The following ABCB5 variants were observed in gnomAD, a reference collection of about 807,000 sequenced individuals.
ABCB5 encodes ATP binding cassette subfamily B member 5.
ABCB5 carries 155 observed loss-of-function variants against 144.2 expected under a neutral mutation model. The observed-to-expected ratio is 1.08, with a 90% CI of 0.94 to 1.23. ABCB5 has a LOEUF of 1.23. ABCB5 is among the 50% of genes most tolerant of loss of function. The pLI is 0.00. For synonymous variants in ABCB5, 610 were observed against 528.6 expected, an observed-to-expected ratio of 1.15 and a Z score of -2.11; for missense variants, 1,830 against 1,520.8, an observed-to-expected ratio of 1.20 and a Z score of -3.38.
chr7:20,731,383 T>TAC lies in ABCB5; in HGVS notation c.2867+2929_2867+2930insCA, dbSNP rs1453381328. Among the ~76,000 whole-genome samples, 3 of 146,538 alleles carry TAC rather than the reference T, an allele frequency of 2.0e-5. No individual in the cohort carries two copies. In the East Asian group the frequency reaches 6.2e-4, roughly 30 times the overall value. Reference sequence around the variant, plus strand: ...AAAAAAAAAAAAATATATATATATATATACATATAAAATTTACTGGATCCT... The same window carrying TAC: ...AAAAAAAAAAAAATATATATATATATACATACATATAAAATTTACTGGATCCT... On this transcript the variant is annotated intron_variant, in intron 23 of 27. Transcript: ENST00000404938.
chr7:20,684,524 C>T (rs1785928658), intron 15 of ABCB5, among the ~76,000 whole-genome samples: 2 of 152,088 alleles, frequency 1.3e-5, no homozygotes, highest in South Asian at 2.1e-4. Flanking sequence ...AAGGCTGAGG[C>T]AGGAGGACTG....
chr7:20,642,096 C>G (rs1379362530), intron 5 of ABCB5: 1 of 152,236 alleles, frequency 6.6e-6, no homozygotes, highest in Non-Finnish European at 1.5e-5. Flanking sequence ...CCGTTCTCCA[C>G]AGAGAAGCTG....
intron 26 of ABCB5, among the ~76,000 whole-genome samples, chr7:20,749,348 C>T (rs1379054372): frequency 6.6e-6 from 1 of 151,074 alleles, no homozygotes; most frequent in African/African-American, 2.4e-5. Context: ...CCACCTCACC[C>T]TCCCCGGGAG....
At chr7:20,622,836 A>G (rs1053790278) in intron 1 of ABCB5, among the ~76,000 whole-genome samples, 1 of 152,112 alleles carries the variant, frequency 6.6e-6, no homozygotes, top group Non-Finnish European at 1.5e-5. Context: ...AGAAAACCCT[A>G]TTCCCTCAAA....
At chr7:20,630,004 G>T (rs1158355386) in intron 4 of ABCB5, among the ~76,000 whole-genome samples, 1 of 152,058 alleles carries the variant, frequency 6.6e-6, no homozygotes, top group Admixed American at 6.5e-5. Flanking sequence ...TTTTCATATT[G>T]CTCTTATCTG....
chr7:20,729,582 C>T (rs975621622), intron 23 of ABCB5, among the ~76,000 whole-genome samples: 5 of 152,162 alleles, frequency 3.3e-5, no homozygotes, highest in Admixed American at 2.0e-4. Flanking sequence ...TCTAATGCAA[C>T]TGCTAAATTA....
chr7:20,648,023 G>C lies in ABCB5; in HGVS notation c.1151G>C (p.Gly384Ala). The C allele has an allele frequency of 6.2e-7, 1 of 1,612,192 alleles. No individual in the cohort carries two copies. Among genetic ancestry groups the C allele is most frequent in the Non-Finnish European group, 8.5e-7 (1 of 1,178,674 alleles). Residue 384 changes from glycine (G) to alanine (A), a missense_variant, in exon 11 of 28, where the codon GGA becomes GCA. Coordinates refer to ENST00000404938, the MANE Select transcript of ABCB5 (RefSeq NM_001163941.2). ...GGATATAAACCTGAATCCATAGAAG[G>C]AACTGTGGAATTTAAAAATGTTTCT... ...TAGYKPESIE[G>A]TVEFKNVSFN...
At chr7:20,711,848 T>TTTCTTTCTTTCTTTC (rs1562573823) in intron 20 of ABCB5, among the ~76,000 whole-genome samples, 3 of 62,306 alleles carry the variant, frequency 4.8e-5, no homozygotes, top group Non-Finnish European at 8.8e-5. Context: ...TTCTTTCTTT[T>TTTCTTTCTTTCTTTC]CTTTCTTTCT....
intron 20 of ABCB5, among the ~76,000 whole-genome samples, chr7:20,712,418 C>T (rs1038972934): frequency 6.7e-6 from 1 of 148,866 alleles, no homozygotes; most frequent in African/African-American, 2.5e-5. Flanking sequence ...TAGTTTTCAC[C>T]AAATTTTAAA....
At chr7:20,623,159 C>A in intron 1 of ABCB5, 106 bp from the exon 2 acceptor site, 1 of 710,562 alleles carries the variant, frequency 1.4e-6, no homozygotes, top group Non-Finnish European at 2.4e-6. Context: ...TTCTGAGATG[C>A]TTCCTTTTTC....
Position 20,755,898 on chromosome 7 carries a change from G to T in ABCB5, c.*274G>T. On this transcript the variant is annotated 3_prime_UTR_variant, in exon 28 of 28. Coordinates refer to ENST00000404938, the MANE Select transcript of ABCB5 (RefSeq NM_001163941.2). ...TTGCTTGTAAAGCAGTTTTCTACAAGGTGAATTTATTTCCCATCAACTTCT... is the reference window on the plus strand; with the variant it reads ...TTGCTTGTAAAGCAGTTTTCTACAATGTGAATTTATTTCCCATCAACTTCT... The T allele has an allele frequency of 2.8e-6, 1 of 357,554 alleles. No individual in the cohort carries two copies. The allele number at this position is 357,554 out of a possible 1,614,324, so 22.1% of individuals were successfully genotyped here.
intron 17 of ABCB5, among the ~76,000 whole-genome samples, chr7:20,698,893 C>A (rs986556804): frequency 1.3e-5 from 2 of 152,144 alleles, no homozygotes; most frequent in Non-Finnish European, 2.9e-5. Flanking sequence ...GTTGCAATTT[C>A]TTTTCTTACC....
intron 20 of ABCB5, among the ~76,000 whole-genome samples, chr7:20,710,964 A>C (rs1388666158): frequency 6.7e-6 from 1 of 149,812 alleles, no homozygotes; most frequent in Non-Finnish European, 1.5e-5. Context: ...TTGTTATTCT[A>C]GTGGTTACTT....
intron 7 of ABCB5, among the ~76,000 whole-genome samples, 158 bp downstream of exon 7, chr7:20,643,790 A>T (rs1784346458): frequency 6.6e-6 from 1 of 152,218 alleles, no homozygotes; most frequent in South Asian, 2.1e-4. Context: ...GTTCACCATT[A>T]ATCCCCTTTC....
At chr7:20,691,311 G>A (rs1001418276) in intron 16 of ABCB5, among the ~76,000 whole-genome samples, 6 of 150,828 alleles carry the variant, frequency 4.0e-5, no homozygotes, top group African/African-American at 1.2e-4. Context: ...AGGAGACAGA[G>A]CTAAGAGTTG....
At chr7:20,681,046 TTC>T (rs1284240190) in intron 14 of ABCB5, among the ~76,000 whole-genome samples, 328 of 20,432 alleles carry the variant, frequency 0.016, 29 homozygotes, top group Non-Finnish European at 0.028. Flanking sequence ...CTTTCTTTCT[TTC>T]TCTCTCTCTC....
At chr7:20,681,018 CTTTCTTTCTTTCTTTCTCTTTCTTTCTT>C (rs1562558941) in intron 14 of ABCB5, among the ~76,000 whole-genome samples, 277 of 12,516 alleles carry the variant, frequency 0.022, 34 homozygotes, top group East Asian at 0.088. Flanking sequence ...TTCTTTCTTT[CTTTCTTTCTTTCTTTCTCTTTCTTTCTT>C]TCTCTCTCTC....
intron 2 of ABCB5, among the ~76,000 whole-genome samples, chr7:20,625,203 C>A (rs993118781): frequency 5.3e-5 from 8 of 152,138 alleles, no homozygotes; most frequent in Non-Finnish European, 4.4e-5. Flanking sequence ...GACCGGAACT[C>A]AAGTAAATTA....
At chr7:20,711,373 GAA>G (rs1247326223) in intron 20 of ABCB5, among the ~76,000 whole-genome samples, 1 of 148,800 alleles carries the variant, frequency 6.7e-6, no homozygotes, top group Non-Finnish European at 1.5e-5. Flanking sequence ...TTTTATGCCT[GAA>G]AAGTCTTTAT....
Sources: gnomAD v4.1 joint callset for allele counts (sites outside exome capture counted in the v4.1 genomes callset) on GRCh38, gnomAD v4.1.1 for gene constraint, MANE v1.5 for transcripts, NCBI Gene and HGNC (gene_info 2026-07-23, HGNC 2026-07-21) for gene names.